The following MVB12A variants were observed in gnomAD, a reference collection of about 807,000 sequenced individuals.
MVB12A encodes the protein multivesicular body subunit 12A.
MVB12A carries 30 observed loss-of-function variants against 34.3 expected under a neutral mutation model. That is an observed-to-expected ratio of 0.88 (90% confidence interval 0.65 to 1.19). MVB12A has a LOEUF of 1.19. Among genes scored for constraint, MVB12A ranks in the 50% most tolerant of loss-of-function variants. MVB12A has a pLI of 0.00. For missense variants in MVB12A, 355 were observed against 369.2 expected, an observed-to-expected ratio of 0.96 and a Z score of 0.31; for synonymous variants, 158 against 158.9, an observed-to-expected ratio of 0.99 and a Z score of 0.04.
intron 2 of MVB12A, among the ~76,000 whole-genome samples, chr19:17,411,798 GA>G (rs67935825): frequency 0.19 from 28,608 of 149,364 alleles, 2,914 homozygotes; most frequent in African/African-American, 0.27. Flanking sequence ...ACCTGGCTAA[GA>G]AAAAAAAAAT....
chr19:17,407,905 G>A (rs571292799), intron 2 of MVB12A, among the ~76,000 whole-genome samples: 2 of 152,370 alleles, frequency 1.3e-5, no homozygotes, highest in South Asian at 2.1e-4. Context: ...GGCAACGGGC[G>A]TCTTCCCAGA....
rs755466383 is a variant in MVB12A, at chr19:17,424,038, C to T, written c.673C>T (p.Arg225Ter). The T allele has an allele frequency of 6.8e-6, 11 of 1,614,030 alleles. No homozygotes were observed. In the Admixed American group the frequency reaches 1.0e-4, roughly 15 times the overall value. The change falls in exon 7 of 9, where the codon CGA (arginine) becomes TGA (stop). Residue 225 changes from arginine (R) to a stop codon, truncating the protein, a stop_gained. Coordinates refer to ENST00000317040, the MANE Select transcript of MVB12A (RefSeq NM_138401.4). LOFTEE classifies it high-confidence loss of function. ...MDGVPFTLHP[R>*]FEGKSCSPLA... ...TGGGGTTCCCTTCACACTCCACCCACGATTTGAGGGCAAGAGCTGCAGCCC... is the reference window on the plus strand; with the variant it reads ...TGGGGTTCCCTTCACACTCCACCCATGATTTGAGGGCAAGAGCTGCAGCCC...
upstream of MVB12A, chr19:17,418,936 AG>A (rs1034223470): frequency 1.8e-4 from 27 of 150,440 alleles, no homozygotes; most frequent in African/African-American, 6.6e-4. Flanking sequence ...GCAGACAGCC[AG>A]GGATGTCCCC....
rs1457328235 is a variant in MVB12A, at chr19:17,410,537, CACAT to C, written c.-5+4243_-5+4246del. ...ATATATATATATATATATACACACA[CACAT>C]ATATATATACACACACATATATATA... On this transcript the variant is annotated intron_variant, in intron 2 of 6. Coordinates refer to the MVB12A transcript ENST00000528604. Among the ~76,000 whole-genome samples, 583 of 71,798 alleles carry C rather than the reference CACAT, an allele frequency of 8.1e-3. 78 individuals carry two copies. The South Asian group carries it at 0.22, about 27-fold the overall frequency. 47.1% of individuals were successfully genotyped at this position (71,798 alleles called of 152,430 possible).
At position 17,425,271 on chromosome 19, in the gene MVB12A, C is replaced by T. The variant is rs1322144222; in HGVS notation, c.*278C>T. 5 of 448,880 alleles carry T rather than the reference C, an allele frequency of 1.1e-5. No homozygotes were observed. The highest frequency in any genetic ancestry group is 1.0e-4 in the African/African-American group (5 of 49,304). The allele number at this position is 448,880 out of a possible 1,614,324, so 27.8% of individuals were successfully genotyped here. On this transcript the variant is annotated 3_prime_UTR_variant, in exon 9 of 9. Coordinates refer to ENST00000317040, the MANE Select transcript of MVB12A (RefSeq NM_138401.4). ...GCCTTTAAGTCATTTGTGTCAAAAC[C>T]CTCTGGGGTCCGGAGGCTGTGCGGG...
At position 17,420,144 on chromosome 19, in the gene MVB12A, C is replaced by G; in HGVS notation, c.9C>G (p.Pro3=). MD[P]VPGTDSAPLA... ...GGCGCTCGGCTCGCAGGATGGATCCCGTACCCGGGACAGACTCGGCGCCGC... is the reference window on the plus strand; with the variant it reads ...GGCGCTCGGCTCGCAGGATGGATCCGGTACCCGGGACAGACTCGGCGCCGC... Residue 3 remains proline (P), a synonymous_variant, in exon 1 of 9, where the codon CCC becomes CCG. Transcript: ENST00000317040. 1.5e-6 allele frequency: 2 copies of G among 1,365,476 alleles called. No individual in the cohort carries two copies. The highest frequency in any genetic ancestry group is 1.9e-6 in the Non-Finnish European group (2 of 1,064,460). 84.6% of individuals were successfully genotyped at this position (1,365,476 alleles called of 1,614,324 possible). A position where few individuals can be genotyped will look rare whatever the true frequency, so the allele number is the denominator to read the frequency against.
intron 2 of MVB12A, among the ~76,000 whole-genome samples, chr19:17,409,095 C>T (rs2074747273): frequency 6.6e-6 from 1 of 151,176 alleles, no homozygotes; most frequent in South Asian, 2.1e-4. Context: ...TCACCAAGTA[C>T]TGGGATTACA....
At position 17,423,547 on chromosome 19, in the gene MVB12A, C is replaced by T; in HGVS notation, c.463C>T (p.Pro155Ser). ...GTGCAAGAAGGCCAAGGCCCCGAGG[C>T]CAGTGCCCAAGCCCCGAGGTCTCAG... is the stretch of plus-strand genomic sequence containing the variant. ...IWCKKAKAPRPVPKPRGLSRD... is the reference protein window; with the variant it reads ...IWCKKAKAPRSVPKPRGLSRD... The change falls in exon 5 of 9, where the codon CCA (proline) becomes TCA (serine). Residue 155 changes from proline to serine, a missense_variant. Transcript: ENST00000317040. The T allele has an allele frequency of 6.2e-7, 1 of 1,613,980 alleles. No homozygotes were observed. The highest frequency in any genetic ancestry group is 1.3e-5 in the African/African-American group (1 of 75,064).
intron 4 of MVB12A, among the ~76,000 whole-genome samples, chr19:17,423,191 TAAAAAAAA>T (rs895549170): frequency 2.8e-5 from 3 of 106,676 alleles, no homozygotes; most frequent in African/African-American, 7.1e-5. Context: ...CGTTTCTACT[TAAAAAAAA>T]AAAAAAAAAA....
chr19:17,417,052 T>C, upstream of MVB12A: 1 of 411,860 alleles, frequency 2.4e-6, no homozygotes, highest in Non-Finnish European at 4.8e-6. Context: ...CCTCTTCCAC[T>C]TTTTTCCAGG....
In MVB12A at chr19:17,420,419, GTGCCCACCTTCGGAACCACCAGGGTC is replaced by G. The variant is rs755536802; in HGVS notation, c.189+18_189+43del. 1 of 1,613,332 alleles carries G rather than the reference GTGCCCACCTTCGGAACCACCAGGGTC, an allele frequency of 6.2e-7. No homozygotes were observed. Among genetic ancestry groups the G allele is most frequent in the Non-Finnish European group, 8.5e-7 (1 of 1,179,470 alleles). ...TCTCTGGGCAGCCTAGAGGTAAGAGGTGCCCACCTTCGGAACCACCAGGGTCTGCCCACCTCCCCTGCCCATTCACG... is the reference window on the plus strand; with the variant it reads ...TCTCTGGGCAGCCTAGAGGTAAGAGGTGCCCACCTCCCCTGCCCATTCACG... On this transcript the variant is annotated intron_variant, in intron 2 of 8. Transcript: ENST00000317040.
At chr19:17,407,090 C>T (rs2074733582) in intron 2 of MVB12A, among the ~76,000 whole-genome samples, 1 of 152,162 alleles carries the variant, frequency 6.6e-6, no homozygotes, top group South Asian at 2.1e-4. Context: ...GGGTGGTGCA[C>T]CTCTGGGCAA....
At chr19:17,410,584 A>G (rs1041358676) in intron 2 of MVB12A, among the ~76,000 whole-genome samples, 4 of 139,502 alleles carry the variant, frequency 2.9e-5, no homozygotes, top group African/African-American at 1.1e-4. Context: ...ATACATATAT[A>G]TATACACACA....
upstream of MVB12A, chr19:17,419,737 T>C (rs546552968): frequency 6.4e-6 from 1 of 156,350 alleles, no homozygotes; most frequent in South Asian, 2.0e-4. Context: ...GCTCCCAACT[T>C]TTCCGTTAAG....
chr19:17,406,944 G>A (rs73921427), intron 2 of MVB12A, among the ~76,000 whole-genome samples: 2,221 of 152,292 alleles, frequency 0.015, 40 homozygotes, highest in African/African-American at 0.049. Flanking sequence ...GACTCCAGGT[G>A]CAAAGACACG....
upstream of MVB12A, chr19:17,419,779 G>A (rs570168960): frequency 5.8e-6 from 1 of 170,968 alleles, no homozygotes; most frequent in South Asian, 1.9e-4. Context: ...AGCAGCTGAG[G>A]CCGGAAGGAA....
At chr19:17,415,228 C>T (rs1312810268), upstream of MVB12A, 1 of 152,194 alleles carries the variant, frequency 6.6e-6, no homozygotes, top group East Asian at 1.9e-4. Flanking sequence ...TAGACTCTCC[C>T]TTAGCTGGGA....
upstream of MVB12A, chr19:17,419,889 C>T (rs1451996859): frequency 1.6e-5 from 6 of 373,434 alleles, no homozygotes; most frequent in South Asian, 3.4e-4. Flanking sequence ...CCGGCAAGAC[C>T]TTTTTTTCCG....
Position 17,420,368 on chromosome 19 carries a change from A to T in MVB12A, c.146A>T (p.Lys49Ile), listed in dbSNP as rs1168407542. The T allele has an allele frequency of 3.1e-6, 5 of 1,613,532 alleles. No individual in the cohort carries two copies. The highest frequency in any genetic ancestry group is 4.2e-6 in the Non-Finnish European group (5 of 1,179,822). The change falls in exon 2 of 9, where the codon AAA (lysine) becomes ATA (isoleucine). Residue 49 changes from lysine (K) to isoleucine (I), a missense_variant. Lys to Ile is a moderately radical substitution (Grantham distance 102). Coordinates refer to ENST00000317040, the MANE Select transcript of MVB12A (RefSeq NM_138401.4). ...AGCTTTGGCAAGAGCTTCGCGCAGA[A>T]ATCTGGCTACTTCCTGTGCCTTAGT... ...PASFGKSFAQKSGYFLCLSSL... is the reference protein window; with the variant it reads ...PASFGKSFAQISGYFLCLSSL...
Sources: gnomAD v4.1 joint callset for allele counts (sites outside exome capture counted in the v4.1 genomes callset) on GRCh38, gnomAD v4.1.1 for gene constraint, MANE v1.5 for transcripts, NCBI Gene and HGNC (gene_info 2026-07-23, HGNC 2026-07-21) for gene names.